The following RSBN1L variants were observed in gnomAD, a reference collection of about 807,000 sequenced individuals.
RSBN1L encodes the protein lysine-specific demethylase RSBN1L.
Under a neutral mutation model 67.7 loss-of-function variants are expected in RSBN1L, and 30 were observed. The observed-to-expected ratio is 0.44, with a 90% confidence interval of 0.33 to 0.60. RSBN1L has a LOEUF of 0.60. Among genes scored for constraint, RSBN1L ranks in the 20% least tolerant of loss-of-function variants. RSBN1L has a pLI of 0.02. For synonymous variants in RSBN1L, 433 were observed against 387.0 expected (o/e 1.12, Z -1.39); for missense variants, 992 against 1,031.7 (o/e 0.96, Z 0.53).
At position 77,749,501 on chromosome 7, in the gene RSBN1L, A is replaced by G; in HGVS notation, c.781A>G (p.Lys261Glu). The part of the protein sequence containing the change: ...KVKKKKKKKH[K>E]ENEKRKRPKM... ...AAAGAAGAAAAAGAAAAAGAAACACAAAGAGAATGAAAAACGGAAGCGTCC... is the reference window on the plus strand; with the variant it reads ...AAAGAAGAAAAAGAAAAAGAAACACGAAGAGAATGAAAAACGGAAGCGTCC... The change falls in exon 3 of 8, where the codon AAA (lysine) becomes GAA (glutamate). Residue 261 changes from lysine to glutamate, a missense_variant. By Grantham distance (56) the Lys-to-Glu change is moderately conservative. Coordinates refer to ENST00000334955, the MANE Select transcript of RSBN1L (RefSeq NM_198467.3). 31 of 1,604,642 alleles carry G rather than the reference A, an allele frequency of 1.9e-5. No individual in the cohort carries two copies. Among genetic ancestry groups the G allele is most frequent in the Non-Finnish European group, 2.6e-5 (31 of 1,177,520 alleles).
At chr7:77,774,478 C>T (rs1584306190) in intron 6 of RSBN1L, among the ~76,000 whole-genome samples, 2 of 152,252 alleles carry the variant, frequency 1.3e-5, no homozygotes, top group East Asian at 3.9e-4. Context: ...ACTGTAATCC[C>T]AGCACTTTCG....
chr7:77,719,130 A>G (rs1033891069), intron 1 of RSBN1L, among the ~76,000 whole-genome samples: 19 of 152,166 alleles, frequency 1.2e-4, no homozygotes, highest in Non-Finnish European at 1.8e-4. Flanking sequence ...GTCTGAACCA[A>G]TTTCTCACTG....
In RSBN1L at chr7:77,773,192, T is replaced by C; in HGVS notation, c.1671T>C (p.Ser557=). Residue 557 remains serine, a synonymous_variant, in exon 6 of 8, where the codon AGT becomes AGC. Coordinates refer to ENST00000334955, the MANE Select transcript of RSBN1L (RefSeq NM_198467.3). ...IKNLQYLPRT[S]EPREMLFEDR... Reference sequence around the variant, plus strand: ...ATCTTCAGTACCTACCTCGAACAAGTGAGCCCCGTGAGATGCTCTTTGAAG... The same window carrying C: ...ATCTTCAGTACCTACCTCGAACAAGCGAGCCCCGTGAGATGCTCTTTGAAG... 6.2e-7 allele frequency: 1 copy of C among 1,611,086 alleles called. No individual in the cohort carries two copies. Among genetic ancestry groups the C allele is most frequent in the Non-Finnish European group, 8.5e-7 (1 of 1,179,078 alleles).
At chr7:77,756,305 G>A (rs60743550) in intron 3 of RSBN1L, among the ~76,000 whole-genome samples, 1 of 151,888 alleles carries the variant, frequency 6.6e-6, no homozygotes, top group Non-Finnish European at 1.5e-5. Context: ...CTAATTTTTT[G>A]TGTTTTCAGT....
At position 77,738,811 on chromosome 7, in the gene RSBN1L, T is replaced by A. The variant is rs569778385; in HGVS notation, c.703+2285T>A. On this transcript the variant is annotated intron_variant, in intron 2 of 7. Coordinates refer to ENST00000334955, the MANE Select transcript of RSBN1L (RefSeq NM_198467.3). ...AAAAAATACAAAAAATTACGGTGGGTGCCTGTAATCCCAGCAACTCGGGAG... is the reference window on the plus strand; with the variant it reads ...AAAAAATACAAAAAATTACGGTGGGAGCCTGTAATCCCAGCAACTCGGGAG... Among the ~76,000 whole-genome samples, 5 of 151,676 alleles carry A rather than the reference T, an allele frequency of 3.3e-5. No individual in the cohort carries two copies. The East Asian group carries it at 9.7e-4, about 29-fold the overall frequency.
chr7:77,727,401 A>G (rs926640419), intron 1 of RSBN1L, among the ~76,000 whole-genome samples: 14 of 152,160 alleles, frequency 9.2e-5, no homozygotes, highest in African/African-American at 3.4e-4. Flanking sequence ...ATCTGCTTTT[A>G]ATTCCAAGTT....
Position 77,702,329 on chromosome 7 carries a change from T to G in RSBN1L, c.586+5274T>G, listed in dbSNP as rs147360802. Among the ~76,000 whole-genome samples the G allele has an allele frequency of 2.0e-5, 3 of 152,334 alleles. No homozygotes were observed. In the East Asian group the frequency reaches 5.8e-4, roughly 29 times the overall value. Reference sequence around the variant, plus strand: ...TCCTTTGTTTCAGTATTATAGTATTTTGTTCCTTTTTCATGGGTGCAACGT... The same window carrying G: ...TCCTTTGTTTCAGTATTATAGTATTGTGTTCCTTTTTCATGGGTGCAACGT... On this transcript the variant is annotated intron_variant, in intron 1 of 7. Coordinates refer to ENST00000334955, the MANE Select transcript of RSBN1L (RefSeq NM_198467.3).
At chr7:77,716,650 T>A (rs910920516) in intron 1 of RSBN1L, among the ~76,000 whole-genome samples, 95 of 139,694 alleles carry the variant, frequency 6.8e-4, no homozygotes, top group African/African-American at 2.0e-3. Context: ...TTTTTTTTTT[T>A]AGACGGTGTC....
intron 5 of RSBN1L, among the ~76,000 whole-genome samples, chr7:77,771,304 G>C (rs1202039682): frequency 6.6e-6 from 1 of 152,124 alleles, no homozygotes; most frequent in Non-Finnish European, 1.5e-5. Context: ...ACTGGTTACG[G>C]TGATTATTAA....
At chr7:77,742,037 A>G (rs1191594942) in intron 2 of RSBN1L, among the ~76,000 whole-genome samples, 1 of 151,728 alleles carries the variant, frequency 6.6e-6, no homozygotes, top group Non-Finnish European at 1.5e-5. Context: ...ATGATTTGTT[A>G]TAGTGAAGGA....
intron 6 of RSBN1L, among the ~76,000 whole-genome samples, chr7:77,776,487 G>T (rs967068386): frequency 6.6e-6 from 1 of 152,146 alleles, no homozygotes; most frequent in Non-Finnish European, 1.5e-5. Context: ...GTAGGTATAT[G>T]TCTATTCTTA....
chr7:77,723,012 G>A (rs1212039511), intron 1 of RSBN1L, among the ~76,000 whole-genome samples: 1 of 144,866 alleles, frequency 6.9e-6, no homozygotes, highest in Non-Finnish European at 1.5e-5. Context: ...TTGTTACCCA[G>A]GCTGGAGTAC....
In RSBN1L at chr7:77,762,097, A is replaced by G. The variant is rs1791703273; in HGVS notation, c.1345-3398A>G. Among the ~76,000 whole-genome samples, 8 of 152,308 alleles carry G rather than the reference A, an allele frequency of 5.3e-5. No homozygotes were observed. The South Asian group carries it at 1.7e-3, about 32-fold the overall frequency. ...TTCTGGTTACAAGGGAGAGACTTAT[A>G]CTTTTGTTATAATAAGTTATGTGTG... On this transcript the variant is annotated intron_variant, in intron 3 of 7. Coordinates refer to ENST00000334955, the MANE Select transcript of RSBN1L (RefSeq NM_198467.3).
At chr7:77,751,149 T>G (rs1273403353) in intron 3 of RSBN1L, among the ~76,000 whole-genome samples, 1 of 121,742 alleles carries the variant, frequency 8.2e-6, no homozygotes, top group East Asian at 2.0e-4. Flanking sequence ...AATAATGTGG[T>G]GTTTTTTTGT....
intron 2 of RSBN1L, among the ~76,000 whole-genome samples, chr7:77,745,751 A>C (rs1025918619): frequency 2.6e-5 from 4 of 152,230 alleles, no homozygotes; most frequent in Non-Finnish European, 5.9e-5. Flanking sequence ...ATTATTATAC[A>C]TTATAATATG....
chr7:77,781,253 G>A lies in RSBN1L; in HGVS notation c.*2085G>A, dbSNP rs1791994005. The A allele has an allele frequency of 6.6e-6, 1 of 152,134 alleles. No homozygotes were observed. The highest frequency in any genetic ancestry group is 1.5e-5 in the Non-Finnish European group (1 of 68,010). 9.4% of individuals were successfully genotyped at this position (152,134 alleles called of 1,614,324 possible). A position where few individuals can be genotyped will look rare whatever the true frequency, so the allele number is the denominator to read the frequency against. On this transcript the variant is annotated 3_prime_UTR_variant, in exon 8 of 8. Transcript: ENST00000334955. ...GTAGGAAGTTTCATGGGATAGGGAA[G>A]GTATAAATCAAGATAGTAAGGGTTT... is the stretch of plus-strand genomic sequence containing the variant.
intron 1 of RSBN1L, among the ~76,000 whole-genome samples, chr7:77,697,604 C>G (rs1790757160): frequency 2.6e-5 from 4 of 152,138 alleles, no homozygotes; most frequent in Admixed American, 2.0e-4. Context: ...CCGAAGTGCG[C>G]TGTTTCGTAA....
chr7:77,737,596 T>C (rs920999691), intron 2 of RSBN1L, among the ~76,000 whole-genome samples: 1 of 152,230 alleles, frequency 6.6e-6, no homozygotes, highest in African/African-American at 2.4e-5. Flanking sequence ...TAGTTAATGC[T>C]CATGATCCTT....
intron 1 of RSBN1L, among the ~76,000 whole-genome samples, chr7:77,706,003 C>T (rs570670404): frequency 1.5e-3 from 223 of 151,702 alleles, no homozygotes; most frequent in Admixed American, 3.8e-3. Flanking sequence ...CAGGTTCAAG[C>T]GATTCCTGCC....
Sources: gnomAD v4.1 joint callset for allele counts (sites outside exome capture counted in the v4.1 genomes callset) on GRCh38, gnomAD v4.1.1 for gene constraint, MANE v1.5 for transcripts, NCBI Gene and HGNC (gene_info 2026-07-23, HGNC 2026-07-21) for gene names.